CADM2: variants seen among roughly 807,000 people sequenced by gnomAD.
CADM2 encodes cell adhesion molecule 2.
CADM2 carries 12 observed loss-of-function variants against 49.8 expected under a neutral mutation model. That is an observed-to-expected ratio of 0.24 (90% confidence interval 0.15 to 0.39). The LOEUF (loss-of-function observed/expected upper bound fraction) is 0.39. Ranked by LOEUF, CADM2 falls within the 10% of genes least tolerant of loss-of-function variation. CADM2 has a pLI of 1.00. For synonymous variants in CADM2, 214 were observed against 175.4 expected, an observed-to-expected ratio of 1.22 and a Z score of -1.74; for missense variants, 378 against 492.3, an observed-to-expected ratio of 0.77 and a Z score of 2.20.
chr3:85,325,724 G>T (rs1269461954), intron 1 of CADM2, among the ~76,000 whole-genome samples: 1 of 149,082 alleles, frequency 6.7e-6, no homozygotes, highest in Non-Finnish European at 1.5e-5. Context: ...AATAGTGGAT[G>T]TCTATCTTGA....
intron 1 of CADM2, among the ~76,000 whole-genome samples, chr3:85,468,006 T>C (rs930253566): frequency 6.6e-6 from 1 of 151,404 alleles, no homozygotes; most frequent in African/African-American, 2.4e-5. Flanking sequence ...TACAAAAAAT[T>C]AGCCGGGCGC....
chr3:85,321,730 A>G (rs1485354087), intron 1 of CADM2, among the ~76,000 whole-genome samples: 2 of 152,176 alleles, frequency 1.3e-5, no homozygotes, highest in African/African-American at 2.4e-5. Flanking sequence ...GTACATAAAG[A>G]ATGTTGTTTT....
chr3:85,437,477 G>A (rs2036985677), intron 1 of CADM2, among the ~76,000 whole-genome samples: 1 of 152,070 alleles, frequency 6.6e-6, no homozygotes, highest in Admixed American at 6.6e-5. Context: ...AGCATTGAAT[G>A]AGTGTTCCTG....
chr3:85,245,283 C>T (rs534648783), intron 1 of CADM2, among the ~76,000 whole-genome samples: 35 of 152,138 alleles, frequency 2.3e-4, no homozygotes, highest in South Asian at 6.2e-4. Context: ...GAGGCCGAGG[C>T]GGGCGGATCA....
Position 86,066,952 on chromosome 3 carries a change from C to T in CADM2, c.*169C>T, listed in dbSNP as rs551457514. ...ACAATCAGCTGTTGAAAGCATCATTCTTTAATTACTGTACCATCCATAATG... is the reference window on the plus strand; with the variant it reads ...ACAATCAGCTGTTGAAAGCATCATTTTTTAATTACTGTACCATCCATAATG... On this transcript the variant is annotated 3_prime_UTR_variant, in exon 10 of 10. Transcript: ENST00000383699. 11 of 615,960 alleles carry T rather than the reference C, an allele frequency of 1.8e-5. No homozygotes were observed. Among genetic ancestry groups the T allele is most frequent in the Non-Finnish European group, 2.0e-5 (7 of 344,516 alleles). 38.2% of individuals were successfully genotyped at this position (615,960 alleles called of 1,614,324 possible).
At chr3:85,172,339 G>A (rs1422515880) in intron 1 of CADM2, among the ~76,000 whole-genome samples, 1 of 152,136 alleles carries the variant, frequency 6.6e-6, no homozygotes, top group Non-Finnish European at 1.5e-5. Context: ...TCACTTATTA[G>A]CAAAGTAATA....
intron 1 of CADM2, among the ~76,000 whole-genome samples, chr3:85,274,959 T>TA (rs911363142): frequency 6.6e-6 from 1 of 151,212 alleles, no homozygotes; most frequent in African/African-American, 2.4e-5. Flanking sequence ...AGAGAATGTG[T>TA]AAAGACCTTG....
At chr3:84,997,262 G>C (rs1020497483) in intron 1 of CADM2, among the ~76,000 whole-genome samples, 2 of 151,988 alleles carry the variant, frequency 1.3e-5, no homozygotes, top group African/African-American at 4.8e-5. Context: ...CTTTGTTAAA[G>C]GGTATCACTC....
intron 1 of CADM2, among the ~76,000 whole-genome samples, chr3:85,425,537 G>A (rs2036360604): frequency 6.6e-6 from 1 of 152,116 alleles, no homozygotes. Flanking sequence ...CTTTTTGAAA[G>A]TACACAATAA....
chr3:85,815,983 C>T (rs1232621417), intron 3 of CADM2, among the ~76,000 whole-genome samples: 1 of 152,040 alleles, frequency 6.6e-6, no homozygotes, highest in Non-Finnish European at 1.5e-5. Context: ...AAAAGAAAAT[C>T]TTAACAATAT....
At chr3:85,556,796 T>A (rs1034677328) in intron 1 of CADM2, among the ~76,000 whole-genome samples, 1 of 152,152 alleles carries the variant, frequency 6.6e-6, no homozygotes, top group African/African-American at 2.4e-5. Flanking sequence ...GGCAACTATA[T>A]GTTGATTTAC....
intron 1 of CADM2, among the ~76,000 whole-genome samples, chr3:85,305,417 A>G (rs759295685): frequency 2.6e-5 from 4 of 151,698 alleles, no homozygotes; most frequent in Non-Finnish European, 5.9e-5. Flanking sequence ...ACATTTTCAT[A>G]TGTACAGACA....
At chr3:85,848,851 C>A (rs1161322412) in intron 3 of CADM2, among the ~76,000 whole-genome samples, 4 of 152,132 alleles carry the variant, frequency 2.6e-5, no homozygotes, top group African/African-American at 9.7e-5. Context: ...TACTTCATTT[C>A]ATCACAAACA....
At chr3:85,355,828 A>G (rs556318075) in intron 1 of CADM2, among the ~76,000 whole-genome samples, 1 of 152,168 alleles carries the variant, frequency 6.6e-6, no homozygotes, top group South Asian at 2.1e-4. Flanking sequence ...AAGGAGGGGA[A>G]GAAGAGTGGG....
intron 1 of CADM2, among the ~76,000 whole-genome samples, chr3:85,225,862 G>A (rs1247094374): frequency 6.6e-6 from 1 of 152,154 alleles, no homozygotes; most frequent in Non-Finnish European, 1.5e-5. Context: ...AGTTAATCAT[G>A]TGGTTTTTGT....
At chr3:85,178,323 A>T (rs917437092) in intron 1 of CADM2, among the ~76,000 whole-genome samples, 11 of 151,890 alleles carry the variant, frequency 7.2e-5, no homozygotes, top group Non-Finnish European at 1.5e-4. Flanking sequence ...ATTATACATG[A>T]TATATAAAAA....
intron 1 of CADM2, among the ~76,000 whole-genome samples, chr3:85,066,083 C>A (rs2036518411): frequency 6.6e-6 from 1 of 151,946 alleles, no homozygotes; most frequent in African/African-American, 2.4e-5. Context: ...AATGCTACAA[C>A]AAACTAAAAG....
intron 3 of CADM2, among the ~76,000 whole-genome samples, chr3:85,829,825 T>G (rs2074104854): frequency 6.6e-6 from 1 of 152,054 alleles, no homozygotes; most frequent in African/African-American, 2.4e-5. Context: ...GGTTCACTCA[T>G]GTTGTCCCAA....
chr3:85,685,450 C>T (rs1011325563), intron 1 of CADM2, among the ~76,000 whole-genome samples: 3 of 151,890 alleles, frequency 2.0e-5, no homozygotes, highest in African/African-American at 4.8e-5. Flanking sequence ...ATAGGGGAGG[C>T]TATGTATTGT....
Sources: allele counts gnomAD v4.1 joint callset (sites outside exome capture counted in the v4.1 genomes callset), GRCh38; gene constraint gnomAD v4.1.1; transcripts MANE v1.5; gene names NCBI Gene and HGNC (gene_info 2026-07-23, HGNC 2026-07-21).